Variants in PACRG observed in about 807,000 individuals in gnomAD.
PACRG encodes parkin coregulated gene protein.
Under a neutral mutation model 29.7 loss-of-function variants are expected in PACRG, and 29 were observed. The ratio of observed to expected loss-of-function variants is 0.98; its 90% CI spans 0.73 to 1.33. PACRG has a LOEUF of 1.33. Ranked by LOEUF, PACRG falls within the 40% of genes most tolerant of loss-of-function variation. PACRG has a pLI of 0.00. For missense variants in PACRG, 279 were observed against 316.2 expected (o/e 0.88, Z 0.89); for synonymous variants, 116 against 118.7 (o/e 0.98, Z 0.15).
At chr6:162,887,027 C>T (rs569509095) in intron 2 of PACRG, among the ~76,000 whole-genome samples, 1 of 152,262 alleles carries the variant, frequency 6.6e-6, no homozygotes, top group African/African-American at 2.4e-5. Context: ...CCTGCCTCAG[C>T]CTCCCGAGTA....
chr6:162,970,243 C>A (rs1801411741), intron 2 of PACRG, among the ~76,000 whole-genome samples: 2 of 152,130 alleles, frequency 1.3e-5, no homozygotes, highest in African/African-American at 4.8e-5. Flanking sequence ...GCCACCTATC[C>A]CCAGAAATGG....
At chr6:163,241,822 AG>A (rs1299602571) in intron 4 of PACRG, among the ~76,000 whole-genome samples, 56 of 152,130 alleles carry the variant, frequency 3.7e-4, no homozygotes, top group South Asian at 2.1e-4. Flanking sequence ...GTAAACCCAA[AG>A]GGGGGGCACG....
intron 4 of PACRG, among the ~76,000 whole-genome samples, chr6:163,171,798 G>T (rs939663515): frequency 6.6e-6 from 1 of 152,160 alleles, no homozygotes; most frequent in Non-Finnish European, 1.5e-5. Flanking sequence ...GAGCCCATGG[G>T]TCGGGACCCT....
At chr6:162,741,141 G>A (rs1780562721) in intron 1 of PACRG, among the ~76,000 whole-genome samples, 1 of 152,138 alleles carries the variant, frequency 6.6e-6, no homozygotes, top group African/African-American at 2.4e-5. Context: ...TGGTGTCTCT[G>A]ATTTACCAGG....
intron 2 of PACRG, among the ~76,000 whole-genome samples, chr6:162,907,581 G>A (rs1304008572): frequency 6.6e-6 from 1 of 151,964 alleles, no homozygotes; most frequent in African/African-American, 2.4e-5. Context: ...ATAGAGAAAA[G>A]GATGATTTCA....
chr6:162,918,472 G>T (rs1218168257), intron 2 of PACRG, among the ~76,000 whole-genome samples: 1 of 152,160 alleles, frequency 6.6e-6, no homozygotes, highest in Non-Finnish European at 1.5e-5. Context: ...AGGAAGCTGC[G>T]CTGTGCCCAG....
In PACRG at chr6:162,814,282, GT is replaced by G. The variant is rs777296382; in HGVS notation, c.291+2del. 9 of 1,613,478 alleles carry G rather than the reference GT, an allele frequency of 5.6e-6. No individual in the cohort carries two copies. The highest frequency in any genetic ancestry group is 2.7e-5 in the African/African-American group (2 of 74,880). On this transcript the variant is annotated splice_donor_variant, in intron 2 of 4. Transcript: ENST00000366888. LOFTEE classifies it high-confidence loss of function. ...GAAAGGAAACAAAATCGCCTGGAAG[GT>G]AAGTCAGGGCACAGCTGTGCCGGCC...
chr6:163,313,780 G>A (rs1785535097), intron 4 of PACRG: 1 of 152,246 alleles, frequency 6.6e-6, no homozygotes, highest in South Asian at 2.1e-4. Context: ...TTCCACCATA[G>A]ATAAGGCAGG....
At chr6:163,147,262 G>T (rs1308194407) in intron 4 of PACRG, among the ~76,000 whole-genome samples, 1 of 152,186 alleles carries the variant, frequency 6.6e-6, no homozygotes, top group Non-Finnish European at 1.5e-5. Flanking sequence ...CATTACAAAT[G>T]GATGCATCAT....
intron 4 of PACRG, among the ~76,000 whole-genome samples, chr6:163,129,776 A>G (rs1816661130): frequency 1.3e-5 from 2 of 152,146 alleles, no homozygotes; most frequent in East Asian, 3.9e-4. Context: ...CCTCACACTC[A>G]GTTTCCTCCC....
chr6:163,150,777 G>A (rs9346950), intron 4 of PACRG, among the ~76,000 whole-genome samples: 16,977 of 152,218 alleles, frequency 0.11, 1,206 homozygotes, highest in South Asian at 0.29. Context: ...ACAGTCTTGA[G>A]GGTCACTAGA....
intron 2 of PACRG, chr6:162,957,310 A>G (rs1800125347): frequency 1.7e-6 from 1 of 589,518 alleles, no homozygotes; most frequent in Non-Finnish European, 3.2e-6. Context: ...AGCACGCTTG[A>G]TCCTGTCCTG....
intron 4 of PACRG, among the ~76,000 whole-genome samples, chr6:163,234,386 C>T (rs558257771): frequency 2.0e-5 from 3 of 152,270 alleles, no homozygotes; most frequent in East Asian, 3.9e-4. Flanking sequence ...AGCTCCTCCT[C>T]TCTTGCTTCC....
chr6:163,267,252 C>T (rs1467496315), intron 4 of PACRG, among the ~76,000 whole-genome samples: 2 of 152,204 alleles, frequency 1.3e-5, no homozygotes, highest in Admixed American at 1.3e-4. Context: ...TCACTGTCAG[C>T]ACAGTCCCAT....
intron 4 of PACRG, among the ~76,000 whole-genome samples, chr6:163,290,850 A>C (rs115975541): frequency 4.3e-4 from 65 of 152,250 alleles, no homozygotes; most frequent in African/African-American, 1.4e-3. Flanking sequence ...GTTCAGCGTG[A>C]GGTCCGGGTC....
intron 1 of PACRG, among the ~76,000 whole-genome samples, chr6:162,757,461 AC>A (rs1782016896): frequency 6.6e-6 from 1 of 152,084 alleles, no homozygotes; most frequent in Non-Finnish European, 1.5e-5. Flanking sequence ...GACCAGCCTG[AC>A]TAACATGGTG....
chr6:162,822,944 G>A (rs1313681760), intron 2 of PACRG, among the ~76,000 whole-genome samples: 2 of 151,902 alleles, frequency 1.3e-5, no homozygotes, highest in Non-Finnish European at 2.9e-5. Flanking sequence ...ATTATGTTAT[G>A]TATATCCAAT....
At chr6:163,292,905 C>T (rs6940277) in intron 4 of PACRG, among the ~76,000 whole-genome samples, 32,051 of 152,112 alleles carry the variant, frequency 0.21, 3,645 homozygotes, top group African/African-American at 0.28. Flanking sequence ...TTACAGAAGA[C>T]GATTGTTACC....
At chr6:163,023,997 A>G (rs1806881868) in intron 2 of PACRG, among the ~76,000 whole-genome samples, 1 of 152,100 alleles carries the variant, frequency 6.6e-6, no homozygotes, top group Non-Finnish European at 1.5e-5. Context: ...GTTTACAAAT[A>G]TTCTCTCCCA....
Sources: gnomAD v4.1 joint callset for allele counts (sites outside exome capture counted in the v4.1 genomes callset) on GRCh38, gnomAD v4.1.1 for gene constraint, MANE v1.5 for transcripts, NCBI Gene and HGNC (gene_info 2026-07-23, HGNC 2026-07-21) for gene names.